RAB27B: variants seen among roughly 807,000 people sequenced by gnomAD.
RAB27B encodes the protein ras-related protein Rab-27B.
A neutral mutation model predicts 24.6 loss-of-function variants in RAB27B; 15 were observed. The observed-to-expected ratio is 0.61, with a 90% CI of 0.41 to 0.94. The LOEUF is 0.94. Ranked by LOEUF, RAB27B falls within the 40% of genes least tolerant of loss-of-function variation. The pLI is 0.00. For missense variants in RAB27B, 261 were observed against 266.8 expected, an observed-to-expected ratio of 0.98 and a Z score of 0.15; for synonymous variants, 105 against 92.5, an observed-to-expected ratio of 1.14 and a Z score of -0.78.
intron 2 of RAB27B, among the ~76,000 whole-genome samples, chr18:54,723,323 C>T (rs991704713): frequency 1.3e-5 from 2 of 152,082 alleles, no homozygotes; most frequent in African/African-American, 4.8e-5. Context: ...CTACTTGGGG[C>T]CTATTCTTTA....
intron 2 of RAB27B, among the ~76,000 whole-genome samples, chr18:54,761,227 T>A (rs1367766231): frequency 1.3e-5 from 2 of 152,144 alleles, no homozygotes; most frequent in African/African-American, 4.8e-5. Flanking sequence ...CTTAGACTCT[T>A]TAAGATGTAA....
intron 2 of RAB27B, among the ~76,000 whole-genome samples, chr18:54,725,630 G>A (rs940536589): frequency 2.0e-5 from 3 of 151,444 alleles, no homozygotes; most frequent in Admixed American, 6.6e-5. Flanking sequence ...TCATGGCAGA[G>A]GGCACCTCTT....
intron 2 of RAB27B, among the ~76,000 whole-genome samples, chr18:54,796,733 G>T (rs1309238022): frequency 6.6e-6 from 1 of 152,212 alleles, no homozygotes; most frequent in African/African-American, 2.4e-5. Context: ...TGGAAGGCCA[G>T]AGTGGTCTTG....
intron 2 of RAB27B, among the ~76,000 whole-genome samples, chr18:54,798,049 T>C (rs899497162): frequency 6.6e-6 from 1 of 152,226 alleles, no homozygotes; most frequent in Non-Finnish European, 1.5e-5. Flanking sequence ...GTGGTTCTAA[T>C]GCAAGAACCG....
At chr18:54,858,685 A>T (rs1439264778) in intron 1 of RAB27B, among the ~76,000 whole-genome samples, 2 of 152,120 alleles carry the variant, frequency 1.3e-5, no homozygotes, top group African/African-American at 4.8e-5. Context: ...CAGCCAGGAA[A>T]ACTCTTGAGT....
intron 2 of RAB27B, among the ~76,000 whole-genome samples, chr18:54,812,593 A>ACACACT (rs1555658878): frequency 2.1e-5 from 3 of 142,998 alleles, no homozygotes; most frequent in Non-Finnish European, 4.6e-5. Context: ...ACACACACAC[A>ACACACT]CTCTTATGAA....
intron 2 of RAB27B, among the ~76,000 whole-genome samples, chr18:54,809,234 T>G (rs1007372816): frequency 3.9e-5 from 6 of 152,176 alleles, no homozygotes; most frequent in African/African-American, 1.4e-4. Flanking sequence ...CTCTGAACAG[T>G]GGTACGTGAC....
At chr18:54,812,477 T>C (rs1291687154) in intron 2 of RAB27B, among the ~76,000 whole-genome samples, 1 of 151,832 alleles carries the variant, frequency 6.6e-6, no homozygotes, top group Admixed American at 6.6e-5. Flanking sequence ...GAAACCTTAA[T>C]GTGTTAGTAC....
chr18:54,785,532 C>T (rs1009334062), intron 2 of RAB27B, among the ~76,000 whole-genome samples: 7 of 146,392 alleles, frequency 4.8e-5, no homozygotes, highest in African/African-American at 1.5e-4. Context: ...TACTGACTAT[C>T]CCCCTCCTTC....
intron 2 of RAB27B, among the ~76,000 whole-genome samples, chr18:54,785,538 C>T (rs575939441): frequency 1.9e-4 from 28 of 149,620 alleles, no homozygotes; most frequent in South Asian, 1.1e-3. Context: ...CTATCCCCCT[C>T]CTTCTTATAT....
At chr18:54,781,612 C>T (rs973363076) in intron 2 of RAB27B, among the ~76,000 whole-genome samples, 1 of 152,068 alleles carries the variant, frequency 6.6e-6, no homozygotes, top group Non-Finnish European at 1.5e-5. Context: ...CCTTTTGCAG[C>T]TTGCATCCAT....
intron 1 of RAB27B, among the ~76,000 whole-genome samples, chr18:54,832,208 C>T (rs959460016): frequency 6.6e-6 from 1 of 152,088 alleles, no homozygotes; most frequent in Non-Finnish European, 1.5e-5. Flanking sequence ...AGGGTCAGAA[C>T]AGTGGCCACC....
At chr18:54,758,679 C>T (rs1568055131) in intron 2 of RAB27B, among the ~76,000 whole-genome samples, 1 of 149,794 alleles carries the variant, frequency 6.7e-6, no homozygotes, top group African/African-American at 2.4e-5. Flanking sequence ...AGAGACCCTA[C>T]CAGACTTTAA....
chr18:54,840,458 C>G (rs1019553946), intron 1 of RAB27B, among the ~76,000 whole-genome samples: 17 of 152,154 alleles, frequency 1.1e-4, no homozygotes, highest in African/African-American at 4.1e-4. Context: ...ATTAGAGGCT[C>G]CAGACTTAAA....
chr18:54,852,177 T>G (rs886632998), intron 1 of RAB27B, among the ~76,000 whole-genome samples: 1 of 152,164 alleles, frequency 6.6e-6, no homozygotes, highest in African/African-American at 2.4e-5. Context: ...AGACACTACT[T>G]AGTACCAAGA....
intron 2 of RAB27B, among the ~76,000 whole-genome samples, chr18:54,743,593 G>A (rs1388881482): frequency 1.3e-5 from 2 of 152,188 alleles, no homozygotes; most frequent in African/African-American, 4.8e-5. Context: ...CTAAGGCAGA[G>A]GGAATGATGA....
At chr18:54,753,353 C>T (rs1907896348) in intron 2 of RAB27B, among the ~76,000 whole-genome samples, 1 of 152,108 alleles carries the variant, frequency 6.6e-6, no homozygotes, top group Admixed American at 6.6e-5. Context: ...ATTCTAGTAC[C>T]TTGTTGAATC....
At chr18:54,879,523 A>AGATATGCGGCATTATT in intron 3 of RAB27B, 69 bp downstream of exon 3, 1 of 1,260,826 alleles carries the variant, frequency 7.9e-7, no homozygotes. Flanking sequence ...TGAATTCTGT[A>AGATATGCGGCATTATT]TGTGAACTTG....
rs1158732029 is a variant in RAB27B, at chr18:54,894,130, T to C, written c.*4717T>C. 6.6e-6 allele frequency: 1 copy of C among 152,002 alleles called. No individual in the cohort carries two copies. Among genetic ancestry groups the C allele is most frequent in the African/African-American group, 2.4e-5 (1 of 41,418 alleles). The allele number at this position is 152,002 out of a possible 1,614,324, so 9.4% of individuals were successfully genotyped here. ...TCAAGGCGTACCATCACAAAGATGC[T>C]TTCCTGCAGAGTTCTTTGTATCAAC... On this transcript the variant is annotated 3_prime_UTR_variant, in exon 6 of 6. Coordinates refer to ENST00000262094, the MANE Select transcript of RAB27B (RefSeq NM_004163.4).
Sources: gnomAD v4.1 joint callset for allele counts (sites outside exome capture counted in the v4.1 genomes callset) on GRCh38, gnomAD v4.1.1 for gene constraint, MANE v1.5 for transcripts, NCBI Gene and HGNC (gene_info 2026-07-23, HGNC 2026-07-21) for gene names.